Variants in COL11A1 observed in about 807,000 individuals in gnomAD.
COL11A1 encodes collagen type XI alpha 1 chain.
A neutral mutation model predicts 265.2 loss-of-function variants in COL11A1; 74 were observed. The observed-to-expected ratio is 0.28, with a 90% CI of 0.23 to 0.34. The LOEUF (loss-of-function observed/expected upper bound fraction) is 0.34. Among genes scored for constraint, COL11A1 ranks in the 10% least tolerant of loss-of-function variants. COL11A1 has a pLI of 1.00. For synonymous variants in COL11A1, 816 were observed against 727.6 expected (o/e 1.12, Z -1.96); for missense variants, 2,165 against 2,263.6 (o/e 0.96, Z 0.88).
chr1:102,975,743 C>A (rs1262220873), intron 35 of COL11A1, among the ~76,000 whole-genome samples: 1 of 152,022 alleles, frequency 6.6e-6, no homozygotes, highest in Middle Eastern at 3.4e-3. Flanking sequence ...TTAAGTAATA[C>A]ATTTAGGGTA....
At chr1:102,984,105 T>C (rs1402155126) in intron 31 of COL11A1, 33 bp downstream of exon 31, 2 of 1,453,586 alleles carry the variant, frequency 1.4e-6, no homozygotes, top group Non-Finnish European at 1.9e-6. Flanking sequence ...CTTCACGAAA[T>C]GTTAATAAAC....
intron 25 of COL11A1, among the ~76,000 whole-genome samples, chr1:102,997,760 A>G (rs959047355): frequency 1.3e-5 from 2 of 151,984 alleles, no homozygotes; most frequent in Non-Finnish European, 2.9e-5. Context: ...GAGATTACAT[A>G]ATTTCATTGT....
intron 11 of COL11A1, among the ~76,000 whole-genome samples, chr1:103,017,606 C>T (rs1281160167): frequency 6.6e-6 from 1 of 152,092 alleles, no homozygotes; most frequent in East Asian, 1.9e-4. Context: ...TAAAAGTTTT[C>T]TTACTAATTA....
intron 38 of COL11A1, among the ~76,000 whole-genome samples, chr1:102,964,681 G>A (rs999481099): frequency 2.0e-5 from 3 of 151,720 alleles, no homozygotes; most frequent in South Asian, 4.2e-4. Context: ...TTACAGTGTT[G>A]AGAACTATTT....
intron 4 of COL11A1, among the ~76,000 whole-genome samples, chr1:103,070,825 C>A (rs1413437313): frequency 6.6e-6 from 1 of 151,722 alleles, no homozygotes; most frequent in Non-Finnish European, 1.5e-5. Flanking sequence ...TATAGGAAAA[C>A]CATGTCTACT....
Position 102,914,831 on chromosome 1 carries a change from A to AG in COL11A1, c.3817-21_3817-20insC. The AG allele has an allele frequency of 6.4e-7, 1 of 1,564,016 alleles. No homozygotes were observed. ...GGGACCCTAAACAATGTTAAAAAAA[A>AG]AAAAAGAAGAAGAAGGAAAGAAGAG... On this transcript the variant is annotated intron_variant, in intron 50 of 66. Coordinates refer to ENST00000370096, the MANE Select transcript of COL11A1 (RefSeq NM_001854.4).
At chr1:102,898,225 CATAT>C in intron 56 of COL11A1, 47 bp from the exon 57 acceptor site, 1 of 870,060 alleles carries the variant, frequency 1.1e-6, no homozygotes, top group Non-Finnish European at 1.5e-6. Context: ...TAAAATAATA[CATAT>C]TTATTTATTT....
At chr1:102,898,031 C>A in intron 57 of COL11A1, 94 bp downstream of exon 57, 2 of 707,022 alleles carry the variant, frequency 2.8e-6, no homozygotes, top group Non-Finnish European at 4.6e-6. Context: ...AAATACAAAC[C>A]TATTTATAAA....
chr1:103,043,831 T>C (rs926140587), intron 4 of COL11A1, among the ~76,000 whole-genome samples: 1 of 151,958 alleles, frequency 6.6e-6, no homozygotes, highest in Non-Finnish European at 1.5e-5. Context: ...ATCAAACACA[T>C]GAGGAAAAAT....
At chr1:102,960,847 G>C (rs1342645848) in intron 41 of COL11A1, among the ~76,000 whole-genome samples, 1 of 152,106 alleles carries the variant, frequency 6.6e-6, no homozygotes, top group Non-Finnish European at 1.5e-5. Context: ...TATAGGATGG[G>C]TATGATAGAG....
At chr1:102,893,791 A>G (rs1383539683) in intron 57 of COL11A1, among the ~76,000 whole-genome samples, 3 of 152,178 alleles carry the variant, frequency 2.0e-5, no homozygotes, top group Non-Finnish European at 4.4e-5. Context: ...ATAATATTTA[A>G]TCTGGTGAAA....
At chr1:102,902,431 A>G (rs1653329661) in intron 54 of COL11A1, among the ~76,000 whole-genome samples, 4 of 152,214 alleles carry the variant, frequency 2.6e-5, no homozygotes, top group Admixed American at 2.0e-4. Flanking sequence ...TAAATGAACA[A>G]GAATTTTTGT....
chr1:102,904,016 C>T (rs952364995), intron 54 of COL11A1, among the ~76,000 whole-genome samples: 5 of 152,122 alleles, frequency 3.3e-5, no homozygotes, highest in African/African-American at 1.2e-4. Context: ...CTCATGTCAT[C>T]ATACCTGACT....
At chr1:102,987,008 G>A (rs564076175) in intron 30 of COL11A1, among the ~76,000 whole-genome samples, 4 of 152,198 alleles carry the variant, frequency 2.6e-5, no homozygotes, top group South Asian at 4.1e-4. Flanking sequence ...TCTACTTGGT[G>A]TAAAACCTTA....
In COL11A1 at chr1:102,887,352, T is replaced by C. The variant is rs148283098; in HGVS notation, c.4609-296A>G. On this transcript the variant is annotated intron_variant, in intron 62 of 66. Coordinates refer to ENST00000370096, the MANE Select transcript of COL11A1 (RefSeq NM_001854.4). The stretch of plus-strand genomic sequence containing the variant: ...TATGTTATATATGTTAGTCTCTTGT[T>C]TATTAATTAGTCATCATTTATATGC... 2.9e-3 allele frequency among the ~76,000 whole-genome samples: 444 copies of C among 152,098 alleles called. 1 individual carries two copies. Among genetic ancestry groups the C allele is most frequent in the Middle Eastern group, 0.027 (8 of 294 alleles).
intron 4 of COL11A1, among the ~76,000 whole-genome samples, chr1:103,035,535 C>T (rs183661187): frequency 9.9e-5 from 15 of 152,156 alleles, no homozygotes; most frequent in Admixed American, 4.6e-4. Flanking sequence ...TATATTTATG[C>T]AAGTTTTTTA....
At position 103,108,170 on chromosome 1, in the gene COL11A1, C is replaced by A. The variant is rs1445323984; in HGVS notation, c.9G>T (p.Pro3=). The A allele has an allele frequency of 2.5e-6, 4 of 1,613,686 alleles. No individual in the cohort carries two copies. In the African/African-American group the frequency reaches 5.3e-5, roughly 22 times the overall value. ...GTTTCGTTTTCCACCTAGAGGACCA[C>A]GGCTCCATCTCCGAGCCCCGCACTC... ME[P]WSSRWKTKRW... The change falls in exon 1 of 67, where the codon CCG becomes CCT. Residue 3 remains proline (P), a synonymous_variant. Coordinates refer to ENST00000370096, the MANE Select transcript of COL11A1 (RefSeq NM_001854.4).
chr1:103,065,051 T>A (rs1670994164), intron 4 of COL11A1, among the ~76,000 whole-genome samples: 1 of 152,174 alleles, frequency 6.6e-6, no homozygotes, highest in Admixed American at 6.5e-5. Flanking sequence ...CTTTGGGTGA[T>A]AATGATGAGT....
chr1:102,937,532 C>T (rs4908277), intron 44 of COL11A1, among the ~76,000 whole-genome samples: 75,280 of 152,036 alleles, frequency 0.5, 20,836 homozygotes, highest in East Asian at 0.87. Context: ...AAGGTGGATC[C>T]ATCAGGAATA....
Sources: gnomAD v4.1 joint callset for allele counts (sites outside exome capture counted in the v4.1 genomes callset) on GRCh38, gnomAD v4.1.1 for gene constraint, MANE v1.5 for transcripts, NCBI Gene and HGNC (gene_info 2026-07-23, HGNC 2026-07-21) for gene names.